Variants in CHRNB4 observed in about 807,000 individuals in gnomAD.
The protein encoded by CHRNB4 is neuronal acetylcholine receptor subunit beta-4.
Under a neutral mutation model 40.4 loss-of-function variants are expected in CHRNB4, and 23 were observed. That is an observed-to-expected ratio of 0.57 (90% confidence interval 0.41 to 0.81). The LOEUF is 0.81. CHRNB4 is among the 30% of genes least tolerant of loss of function. The pLI is 0.00. For synonymous variants in CHRNB4, 285 were observed against 274.4 expected (o/e 1.04, Z -0.38); for missense variants, 568 against 670.6 (o/e 0.85, Z 1.69).
At chr15:78,649,903 G>T (rs1242880277) in intron 6 of CHRNB4, among the ~76,000 whole-genome samples, 3 of 152,210 alleles carry the variant, frequency 2.0e-5, no homozygotes, top group Non-Finnish European at 2.9e-5. Flanking sequence ...AAGCAAATAT[G>T]ACTACATATG....
At chr15:78,636,336 A>C (rs1207377443) in intron 1 of CHRNB4, among the ~76,000 whole-genome samples, 3 of 149,930 alleles carry the variant, frequency 2.0e-5, no homozygotes, top group African/African-American at 7.4e-5. Flanking sequence ...CCTGCTATCC[A>C]TGTACCATAC....
At chr15:78,650,519 C>G (rs1393618289) in intron 6 of CHRNB4, among the ~76,000 whole-genome samples, 1 of 152,192 alleles carries the variant, frequency 6.6e-6, no homozygotes, top group African/African-American at 2.4e-5. Context: ...GGCTTTTCAC[C>G]CCCAACCTGA....
chr15:78,635,387 CA>C, intron 2 of CHRNB4, 51 bp downstream of exon 2: 1 of 1,595,734 alleles, frequency 6.3e-7, no homozygotes, highest in Non-Finnish European at 8.5e-7. Context: ...GGGGCTTGGG[CA>C]TGAGCGGCCT....
chr15:78,633,636 C>A (rs1018166816), intron 2 of CHRNB4, among the ~76,000 whole-genome samples: 1 of 152,168 alleles, frequency 6.6e-6, no homozygotes, highest in Admixed American at 6.5e-5. Flanking sequence ...GATCTGCCCC[C>A]CTGCATACCC....
rs371740550 is a variant in CHRNB4, at chr15:78,625,129, G to T, written c.*4C>A. 391 of 1,613,946 alleles carry T rather than the reference G, an allele frequency of 2.4e-4. 1 individual carries two copies. The highest frequency in any genetic ancestry group is 3.1e-4 in the Non-Finnish European group (360 of 1,180,018). On this transcript the variant is annotated 3_prime_UTR_variant, in exon 6 of 6. Coordinates refer to ENST00000261751, the MANE Select transcript of CHRNB4 (RefSeq NM_000750.5). ...ATCCTCTCACCCCACAACCCAGGGG[G>T]CCCTCAGTCACGCTGGGCAGCGTAG...
chr15:78,641,047 C>T, intron 1 of CHRNB4, 32 bp downstream of exon 1: 1 of 1,555,606 alleles, frequency 6.4e-7, no homozygotes, highest in Non-Finnish European at 8.7e-7. Flanking sequence ...CCAACCCAGG[C>T]GCCCCTCCCT....
At position 78,635,565 on chromosome 15, in the gene CHRNB4, C is replaced by T. The variant is rs747171633; in HGVS notation, c.78G>A (p.Ala26=). The part of the protein sequence containing the change: ...CGRGNCRVAN[A]EEKLMDDLLN... ...GAAGGTCGTCCATCAGCTTTTCCTC[C>T]GCATTGGCCACGCGGCAGTTCCCTG... Residue 26 remains alanine (A), a synonymous_variant, in exon 2 of 6, where the codon GCG becomes GCA. Transcript: ENST00000261751. 24 of 1,614,158 alleles carry T rather than the reference C, an allele frequency of 1.5e-5. No individual in the cohort carries two copies. The Admixed American group carries it at 2.0e-4, about 13-fold the overall frequency.
chr15:78,650,563 T>C (rs2054163866), intron 6 of CHRNB4, among the ~76,000 whole-genome samples: 1 of 152,192 alleles, frequency 6.6e-6, no homozygotes, highest in Non-Finnish European at 1.5e-5. Flanking sequence ...TCAGTGCTGG[T>C]GCCCCTTGAG....
chr15:78,647,628 C>T (rs2054134487), intron 7 of CHRNB4, among the ~76,000 whole-genome samples: 1 of 142,304 alleles, frequency 7.0e-6, no homozygotes, highest in Non-Finnish European at 1.5e-5. Context: ...GGGCAGATCA[C>T]AAGGTCAGGA....
intron 2 of CHRNB4, among the ~76,000 whole-genome samples, chr15:78,631,591 C>T (rs188941551): frequency 1.2e-4 from 19 of 152,334 alleles, no homozygotes; most frequent in African/African-American, 3.1e-4. Context: ...AAGCCAGAAG[C>T]GTGGACACTG....
chr15:78,648,292 C>T (rs986686730), intron 7 of CHRNB4, among the ~76,000 whole-genome samples: 1 of 150,590 alleles, frequency 6.6e-6, no homozygotes, highest in Non-Finnish European at 1.5e-5. Context: ...ACTCAGGAGG[C>T]TGAGGCAGGA....
At position 78,624,828 on chromosome 15, in the gene CHRNB4, A is replaced by G. The variant is rs2141354705; in HGVS notation, c.*305T>C. Reference sequence around the variant, plus strand: ...AGAGGCAGGCCGGCACCATGCCTGAAGCATAGTAGGTGCTGCTACGAAGTC... The same window carrying G: ...AGAGGCAGGCCGGCACCATGCCTGAGGCATAGTAGGTGCTGCTACGAAGTC... On this transcript the variant is annotated 3_prime_UTR_variant, in exon 6 of 6. Coordinates refer to ENST00000261751, the MANE Select transcript of CHRNB4 (RefSeq NM_000750.5). 1.3e-6 allele frequency: 1 copy of G among 769,926 alleles called. No homozygotes were observed. The highest frequency in any genetic ancestry group is 2.7e-5 in the East Asian group (1 of 36,430). The allele number at this position is 769,926 out of a possible 1,614,324, so 47.7% of individuals were successfully genotyped here.
At chr15:78,628,880 T>C (rs1002039414) in intron 5 of CHRNB4, 87 bp downstream of exon 5, 6 of 1,489,010 alleles carry the variant, frequency 4.0e-6, no homozygotes, top group Admixed American at 4.4e-5. Flanking sequence ...TTGTCTCCTA[T>C]GAATTAACTG....
At chr15:78,630,471 C>T (rs186875398) in intron 4 of CHRNB4, among the ~76,000 whole-genome samples, 1 of 152,320 alleles carries the variant, frequency 6.6e-6, no homozygotes, top group Non-Finnish European at 1.5e-5. Flanking sequence ...CATGGAATAG[C>T]TCATTTAAGC....
At position 78,629,825 on chromosome 15, in the gene CHRNB4, A is replaced by T; in HGVS notation, c.480T>A (p.Phe160Leu). Residue 160 changes from phenylalanine to leucine, a missense_variant, in exon 5 of 6, where the codon TTT (phenylalanine) becomes TTA (leucine). By Grantham distance (22) the Phe-to-Leu change is conservative (BLOSUM62 0). This residue lies in a region of CHRNB4 where 127 missense variants were observed against 167.4 expected (regional missense o/e 0.76). Transcript: ENST00000261751. This position sits in a 1 kb window ranked among gnomAD's most constrained non-coding sequence, Gnocchi z 6.8. ...GGGTGCAGTTCTGCTGGTCGAAGGG[A>T]AAGTACTTCACCTCAATCTTGCAGG... ...KSACKIEVKY[F>L]PFDQQNCTLK... The T allele has an allele frequency of 1.2e-6, 2 of 1,614,048 alleles. No homozygotes were observed. The highest frequency in any genetic ancestry group is 1.7e-6 in the Non-Finnish European group (2 of 1,180,002).
At chr15:78,643,873 G>T (rs1273969658), upstream of CHRNB4, among the ~76,000 whole-genome samples, 1 of 151,994 alleles carries the variant, frequency 6.6e-6, no homozygotes, top group African/African-American at 2.4e-5. Context: ...TTCTAGGCCG[G>T]GCACGGTGGC....
intron 1 of CHRNB4, among the ~76,000 whole-genome samples, chr15:78,639,207 T>A (rs923918089): frequency 3.3e-5 from 5 of 152,238 alleles, no homozygotes; most frequent in African/African-American, 1.2e-4. Flanking sequence ...AAGATTAGAT[T>A]CTGCATCTGG....
At chr15:78,639,318 C>G (rs1018387087) in intron 1 of CHRNB4, among the ~76,000 whole-genome samples, 1 of 152,084 alleles carries the variant, frequency 6.6e-6, no homozygotes, top group Non-Finnish European at 1.5e-5. Flanking sequence ...TTTTCTGAGA[C>G]GGAGTCTTGA....
rs368168819 is a variant in CHRNB4 at position 78,629,063 on chromosome 15, C to A, written c.1242G>T (p.Leu414=). Reference sequence around the variant, plus strand: ...CCTGTCGGAACCTCCCAGAGGACCGCAGCCAGAAATCCCTGGGGATAGCCA... The same window carrying A: ...CCTGTCGGAACCTCCCAGAGGACCGAAGCCAGAAATCCCTGGGGATAGCCA... ...TPVAIPRDFW[L]RSSGRFRQDV... is the part of the protein sequence containing the mutation. The change falls in exon 5 of 6, where the codon CTG becomes CTT. Residue 414 remains leucine (L), a synonymous_variant. Coordinates refer to ENST00000261751, the MANE Select transcript of CHRNB4 (RefSeq NM_000750.5). The surrounding 1 kb of genome is among the most constrained non-coding windows in gnomAD (Gnocchi z 6.8). 4.3e-6 allele frequency: 7 copies of A among 1,614,050 alleles called. No individual in the cohort carries two copies. The African/African-American group carries it at 6.7e-5, about 15-fold the overall frequency.
Sources: allele counts gnomAD v4.1 joint callset (sites outside exome capture counted in the v4.1 genomes callset), GRCh38; gene constraint gnomAD v4.1.1; regional missense constraint gnomAD v4.1.1; non-coding constraint Gnocchi (gnomAD v3.1); transcripts MANE v1.5; gene names NCBI Gene and HGNC (gene_info 2026-07-23, HGNC 2026-07-21).